The following RNF114 variants were observed in gnomAD, a reference collection of about 807,000 sequenced individuals.
RNF114 encodes E3 ubiquitin-protein ligase RNF114.
RNF114 carries 6 observed loss-of-function variants against 28.4 expected under a neutral mutation model. The ratio of observed to expected loss-of-function variants is 0.21; its 90% CI spans 0.12 to 0.42. RNF114 has a LOEUF of 0.42. RNF114 is among the 10% of genes least tolerant of loss of function. The probability of loss-of-function intolerance (pLI) is 1.00; values close to 1 mark genes in which losing one functional copy is unlikely to be tolerated. For missense variants in RNF114, 249 were observed against 311.7 expected, an observed-to-expected ratio of 0.80 and a Z score of 1.51; for synonymous variants, 115 against 116.7, an observed-to-expected ratio of 0.99 and a Z score of 0.09.
chr20:49,949,745 A>G (rs1329197557), intron 5 of RNF114, among the ~76,000 whole-genome samples: 1 of 152,072 alleles, frequency 6.6e-6, no homozygotes, highest in African/African-American at 2.4e-5. Flanking sequence ...CCCGGGTTCA[A>G]GTGATTCTCC....
chr20:49,945,422 C>G lies in RNF114; in HGVS notation c.332C>G (p.Ser111Cys). The change falls in exon 3 of 6, where the codon TCC becomes TGC. Residue 111 changes from serine to cysteine, a missense_variant. Physicochemically the swap from Ser to Cys is moderately radical, Grantham distance 112 (BLOSUM62 -1). Transcript: ENST00000244061. Reference sequence around the variant, plus strand: ...ATCCGGTCCCACGTGGCTACTTGTTCCAAATACCAGAATTACATCATGGAA... The same window carrying G: ...ATCCGGTCCCACGTGGCTACTTGTTGCAAATACCAGAATTACATCATGGAA... ...SKIRSHVATC[S>C]KYQNYIMEGV... 2 of 1,613,492 alleles carry G rather than the reference C, an allele frequency of 1.2e-6. No homozygotes were observed. Among genetic ancestry groups the G allele is most frequent in the Non-Finnish European group, 1.7e-6 (2 of 1,179,484 alleles).
Position 49,941,627 on chromosome 20 carries a change from C to T in RNF114, c.207C>T (p.Ser69=), listed in dbSNP as rs747400432. The T allele has an allele frequency of 1.2e-5, 19 of 1,612,710 alleles. No individual in the cohort carries two copies. The highest frequency in any genetic ancestry group is 2.2e-5 in the South Asian group (2 of 91,004). Residue 69 remains serine (S), a synonymous_variant, in exon 2 of 6, where the codon AGC becomes AGT. Coordinates refer to ENST00000244061, the MANE Select transcript of RNF114 (RefSeq NM_018683.4). ...PKKPVCGVCR[S]ALAPGVRAVE... is the part of the protein sequence containing the mutation. ...AGCCTGTCTGTGGGGTGTGTCGCAG[C>T]GCTCTGGCACCTGGCGTCCGAGCCG...
intron 5 of RNF114, 105 bp downstream of exon 5, chr20:49,949,460 C>T: frequency 1.1e-6 from 1 of 930,548 alleles, no homozygotes; most frequent in Admixed American, 1.9e-5. Context: ...AACTTTGTCG[C>T]TGTTGTGATG....
rs113285691 is a variant in RNF114 at position 49,942,961 on chromosome 20, C to A, written c.291+1250C>A. Among the ~76,000 whole-genome samples, 725 of 151,658 alleles carry A rather than the reference C, an allele frequency of 4.8e-3. 9 individuals are homozygous for A. The highest frequency in any genetic ancestry group is 0.017 in the African/African-American group (702 of 41,346). ...TACTATAATATATATATTTCTTCAA[C>A]TTTTTTCACTTTTTTAAATGTACAC... is the stretch of plus-strand genomic sequence containing the variant. On this transcript the variant is annotated intron_variant, in intron 2 of 5. Coordinates refer to ENST00000244061, the MANE Select transcript of RNF114 (RefSeq NM_018683.4).
intron 1 of RNF114, chr20:49,941,325 C>T (rs2090306976): frequency 4.5e-6 from 2 of 440,290 alleles, no homozygotes; most frequent in East Asian, 3.8e-5. Flanking sequence ...TCAACCTTAA[C>T]ACCTTCACTG....
In RNF114 at chr20:49,949,295, C is replaced by T. The variant is rs1280804082; in HGVS notation, c.561C>T (p.Arg187=). The part of the protein sequence containing the change: ...ASMPWGDPNY[R]SANFREHIQR... ...TGCCCTGGGGAGACCCCAACTACCG[C>T]AGCGCCAACTTCAGAGAGCACATCC... The change falls in exon 5 of 6, where the codon CGC becomes CGT. Residue 187 remains arginine (R), a synonymous_variant. Coordinates refer to ENST00000244061, the MANE Select transcript of RNF114 (RefSeq NM_018683.4). 6.2e-7 allele frequency: 1 copy of T among 1,614,188 alleles called. No individual in the cohort carries two copies. The highest frequency in any genetic ancestry group is 8.5e-7 in the Non-Finnish European group (1 of 1,180,026).
chr20:49,950,477 T>C (rs1026054494), intron 5 of RNF114, among the ~76,000 whole-genome samples: 2 of 151,936 alleles, frequency 1.3e-5, no homozygotes, highest in Non-Finnish European at 2.9e-5. Context: ...GCTCAGGAGT[T>C]CGAGACCAGC....
At chr20:49,950,822 G>T (rs1426842581) in intron 5 of RNF114, among the ~76,000 whole-genome samples, 1 of 152,052 alleles carries the variant, frequency 6.6e-6, no homozygotes, top group Non-Finnish European at 1.5e-5. Context: ...GACTCGTTAT[G>T]CTGCCATCAC....
In RNF114 at chr20:49,941,557, C is replaced by T. The variant is rs1405233528; in HGVS notation, c.141-4C>T. 6.3e-7 allele frequency: 1 copy of T among 1,586,662 alleles called. No homozygotes were observed. Among genetic ancestry groups the T allele is most frequent in the Non-Finnish European group, 8.6e-7 (1 of 1,164,218 alleles). On this transcript the variant is annotated splice_region_variant and splice_polypyrimidine_tract_variant and intron_variant, in intron 1 of 5. Transcript: ENST00000244061. ...ACAGAGGTTCTCTGTATGTCTTGTT[C>T]TAGCTTTTGCTCTGCATGCCTGCAG...
chr20:49,950,697 AAAAC>A (rs1234675631), intron 5 of RNF114, among the ~76,000 whole-genome samples: 3 of 147,738 alleles, frequency 2.0e-5, no homozygotes, highest in Non-Finnish European at 4.6e-5. Flanking sequence ...AAAAAAAAAA[AAAAC>A]AAAACACACA....
chr20:49,951,884 AAAAAG>A (rs2146861240), intron 5 of RNF114, among the ~76,000 whole-genome samples, 187 bp from the exon 6 acceptor site: 1 of 152,338 alleles, frequency 6.6e-6, no homozygotes, highest in South Asian at 2.1e-4. Flanking sequence ...TCAAATAAAA[AAAAAG>A]AGAAGGCAGC....
intron 5 of RNF114, 128 bp downstream of exon 5, chr20:49,949,483 G>T: frequency 1.3e-6 from 1 of 742,442 alleles, no homozygotes; most frequent in Non-Finnish European, 2.4e-6. Flanking sequence ...CTTCCAGTCT[G>T]TATACTGGAT....
intron 2 of RNF114, among the ~76,000 whole-genome samples, chr20:49,942,446 A>G (rs1350909103): frequency 6.6e-6 from 1 of 152,232 alleles, no homozygotes; most frequent in African/African-American, 2.4e-5. Flanking sequence ...TTTTAGAATC[A>G]TTAAAATTTT....
intron 1 of RNF114, among the ~76,000 whole-genome samples, chr20:49,936,782 G>C (rs1034909376): frequency 6.6e-6 from 1 of 152,130 alleles, no homozygotes; most frequent in African/African-American, 2.4e-5. Context: ...GGCAGCTGCT[G>C]TCTGTTGAGC....
In RNF114 at chr20:49,952,741, T is replaced by C. The variant is rs6067282; in HGVS notation, c.*600T>C. The C allele has an allele frequency of 0.42, 65,245 of 154,388 alleles. 15,902 individuals are homozygous for C. Among genetic ancestry groups the C allele is most frequent in the East Asian group, 0.79 (4,094 of 5,208 alleles). 9.6% of individuals were successfully genotyped at this position (154,388 alleles called of 1,614,324 possible). ...TAGTGATATTTTCTACTACTACATA[T>C]TTAGAGTTCACTGGTTCAGTCTTAA... On this transcript the variant is annotated 3_prime_UTR_variant, in exon 6 of 6. Transcript: ENST00000244061.
chr20:49,946,577 A>T (rs1314753992), intron 4 of RNF114, among the ~76,000 whole-genome samples: 1 of 151,858 alleles, frequency 6.6e-6, no homozygotes, highest in East Asian at 1.9e-4. Context: ...GAAATTTAAC[A>T]TTGATTCAAT....
At chr20:49,939,973 G>T (rs1286000099) in intron 1 of RNF114, among the ~76,000 whole-genome samples, 18 of 149,370 alleles carry the variant, frequency 1.2e-4, no homozygotes, top group Admixed American at 1.2e-3. Flanking sequence ...AGAATCGCTT[G>T]GACCGGGGAG....
intron 1 of RNF114, among the ~76,000 whole-genome samples, chr20:49,940,053 C>CAA (rs71190515): frequency 0.34 from 25,569 of 75,158 alleles, 4,503 homozygotes; most frequent in East Asian, 0.65. Context: ...GACTCTGTCT[C>CAA]AAAAAAAAAA....
chr20:49,951,139 T>A (rs1311951605), intron 5 of RNF114, among the ~76,000 whole-genome samples: 1 of 152,112 alleles, frequency 6.6e-6, no homozygotes, highest in Non-Finnish European at 1.5e-5. Context: ...TTTAGAGTGG[T>A]ATTCGGTCTT....
Sources: gnomAD v4.1 joint callset for allele counts (sites outside exome capture counted in the v4.1 genomes callset) on GRCh38, gnomAD v4.1.1 for gene constraint, MANE v1.5 for transcripts, NCBI Gene and HGNC (gene_info 2026-07-23, HGNC 2026-07-21) for gene names.